ENTPD6: variants seen among roughly 807,000 people sequenced by gnomAD.
ENTPD6 encodes the protein ectonucleoside triphosphate diphosphohydrolase 6, also known as CD39 antigen-like 2.
A neutral mutation model predicts 61.5 loss-of-function variants in ENTPD6; 46 were observed. The observed-to-expected ratio is 0.75, with a 90% confidence interval of 0.59 to 0.96. The LOEUF (loss-of-function observed/expected upper bound fraction) is 0.96. Ranked by LOEUF, ENTPD6 falls within the 40% of genes least tolerant of loss-of-function variation. The pLI, the probability that ENTPD6 is intolerant of heterozygous loss-of-function variation, is 0.00. For synonymous variants in ENTPD6, 252 were observed against 255.5 expected, an observed-to-expected ratio of 0.99 and a Z score of 0.13; for missense variants, 612 against 629.0, an observed-to-expected ratio of 0.97 and a Z score of 0.29.
In ENTPD6 at chr20:25,215,722, A is replaced by T; in HGVS notation, c.709+11A>T. On this transcript the variant is annotated intron_variant, in intron 7 of 14. Transcript: ENST00000376652. ...TCAACTTCCTGACAGGTGTGTGCAC[A>T]CTGCATCACAGAGGCTAGCCGATCA... 6.2e-7 allele frequency: 1 copy of T among 1,614,118 alleles called. No individual in the cohort carries two copies. Among genetic ancestry groups the T allele is most frequent in the Middle Eastern group, 1.6e-4 (1 of 6,062 alleles).
intron 1 of ENTPD6, among the ~76,000 whole-genome samples, chr20:25,199,931 A>G (rs1457438910): frequency 6.6e-6 from 1 of 152,236 alleles, no homozygotes; most frequent in African/African-American, 2.4e-5. Flanking sequence ...GTTGTGAATA[A>G]TGCTTCAGTG....
At chr20:25,197,342 GGTGGCCT>G in intron 1 of ENTPD6, 8 of 744,982 alleles carry the variant, frequency 1.1e-5, no homozygotes, top group Non-Finnish European at 1.3e-5. Flanking sequence ...CCTGCTGGAG[GGTGGCCT>G]CAGCAGGAGC....
intron 1 of ENTPD6, 100 bp downstream of exon 1, chr20:25,195,967 G>A (rs939239455): frequency 9.8e-7 from 1 of 1,019,514 alleles, no homozygotes; most frequent in East Asian, 3.3e-5. Flanking sequence ...GGACGGCCTC[G>A]GGGTCACTCG....
chr20:25,208,763 T>G (rs1475766237), intron 3 of ENTPD6, among the ~76,000 whole-genome samples: 1 of 152,212 alleles, frequency 6.6e-6, no homozygotes, highest in Non-Finnish European at 1.5e-5. Flanking sequence ...CATTTCAGAA[T>G]CAAGGAAATG....
At chr20:25,208,327 T>C (rs964536102) in intron 3 of ENTPD6, among the ~76,000 whole-genome samples, 2 of 152,218 alleles carry the variant, frequency 1.3e-5, no homozygotes, top group African/African-American at 4.8e-5. Flanking sequence ...AAGCCTGTAA[T>C]CCCAGCTATG....
intron 1 of ENTPD6, among the ~76,000 whole-genome samples, chr20:25,198,077 T>C (rs2090660885): frequency 6.6e-6 from 1 of 152,140 alleles, no homozygotes; most frequent in African/African-American, 2.4e-5. Flanking sequence ...TTTTTTTAAA[T>C]GGGTAGACAG....
intron 1 of ENTPD6, among the ~76,000 whole-genome samples, chr20:25,198,304 C>T (rs4637196): frequency 2.0e-5 from 3 of 151,956 alleles, no homozygotes; most frequent in Admixed American, 1.3e-4. Context: ...GGTGAAATAC[C>T]GTCTGTACTA....
At chr20:25,223,373 G>C (rs2092700959) in intron 12 of ENTPD6, among the ~76,000 whole-genome samples, 1 of 152,144 alleles carries the variant, frequency 6.6e-6, no homozygotes, top group African/African-American at 2.4e-5. Context: ...GAGTCTCTCT[G>C]ACTCACCCTG....
rs77968469 is a variant in ENTPD6 at position 25,214,810 on chromosome 20, T to C, written c.598-57T>C. 3,200 of 1,086,428 alleles carry C rather than the reference T, an allele frequency of 2.9e-3. 54 individuals are homozygous for C. The African/African-American group carries it at 0.04, about 13-fold the overall frequency. 67.3% of individuals were successfully genotyped at this position (1,086,428 alleles called of 1,614,324 possible). A position where few individuals can be genotyped will look rare whatever the true frequency, so the allele number is the denominator to read the frequency against. ...TTGACTAGCTAGCTAGCTAAATAAA[T>C]AAATATATTCATTCATTCATTCTAA... On this transcript the variant is annotated intron_variant, in intron 5 of 14. Transcript: ENST00000376652.
chr20:25,224,707 T>C (rs1254595856), intron 13 of ENTPD6: 2 of 159,620 alleles, frequency 1.3e-5, no homozygotes, highest in Non-Finnish European at 2.7e-5. Flanking sequence ...CAAAAGTGGC[T>C]TTTTTAAAGC....
At chr20:25,196,374 C>T in intron 1 of ENTPD6, 1 of 291,294 alleles carries the variant, frequency 3.4e-6, no homozygotes, top group Non-Finnish European at 5.1e-6. Flanking sequence ...GACCTGTGAG[C>T]CGCGAATGCC....
At chr20:25,215,808 T>C (rs2092280826) in intron 7 of ENTPD6, 97 bp downstream of exon 7, 2 of 1,286,270 alleles carry the variant, frequency 1.6e-6, no homozygotes, top group African/African-American at 2.9e-5. Context: ...TTCTGCTCTT[T>C]AAGATAACCC....
rs771257477 is a variant in ENTPD6 at position 25,213,323 on chromosome 20, T to C, written c.514T>C (p.Trp172Arg). The change falls in exon 5 of 15, where the codon TGG (tryptophan) becomes CGG (arginine). Residue 172 changes from tryptophan to arginine, a missense_variant. Trp to Arg is a moderately radical substitution (Grantham distance 101). Coordinates refer to ENST00000376652, the MANE Select transcript of ENTPD6 (RefSeq NM_001247.5). ...VAKQDIPFDF[W>R]KATPLVLKAT... ...TAAACAGGACATTCCGTTCGACTTC[T>C]GGAAGGCCACCCCTCTGGTCCTCAA... 2 of 1,614,244 alleles carry C rather than the reference T, an allele frequency of 1.2e-6. No homozygotes were observed. Among genetic ancestry groups the C allele is most frequent in the South Asian group, 2.2e-5 (2 of 91,088 alleles).
intron 4 of ENTPD6, among the ~76,000 whole-genome samples, 191 bp downstream of exon 4, chr20:25,210,116 C>A (rs2091856407): frequency 1.3e-5 from 2 of 152,200 alleles, no homozygotes; most frequent in African/African-American, 4.8e-5. Context: ...AGAACGCGCC[C>A]CCACCCGGCC....
Position 25,218,572 on chromosome 20 carries a change from T to G in ENTPD6, c.901T>G (p.Ser301Ala). ...CAGCTACCTCGGGCTCGGGCTGATG[T>G]CGGCACGCCTGGCGATCCTGGGCGG... is the stretch of plus-strand genomic sequence containing the variant. ...SYSYLGLGLM[S>A]ARLAILGGVE... The change falls in exon 10 of 15, where the codon TCG (serine) becomes GCG (alanine). Residue 301 changes from serine to alanine, a missense_variant. Physicochemically the swap from Ser to Ala is moderately conservative, Grantham distance 99 (BLOSUM62 1). Transcript: ENST00000376652. 1 of 1,608,172 alleles carries G rather than the reference T, an allele frequency of 6.2e-7. No homozygotes were observed. Among genetic ancestry groups the G allele is most frequent in the Non-Finnish European group, 8.5e-7 (1 of 1,178,914 alleles).
intron 1 of ENTPD6, among the ~76,000 whole-genome samples, chr20:25,204,510 C>A (rs982362458): frequency 2.0e-5 from 3 of 152,204 alleles, no homozygotes. Context: ...CAAAGTCTCC[C>A]CCAGTCCCTC....
intron 3 of ENTPD6, 32 bp from the exon 4 acceptor site, chr20:25,209,817 G>A (rs1268527546): frequency 6.3e-7 from 1 of 1,576,952 alleles, no homozygotes; most frequent in Non-Finnish European, 8.7e-7. Context: ...TGTATTCATA[G>A]TTGTACCCTT....
chr20:25,216,890 C>T (rs2092349044), intron 8 of ENTPD6, among the ~76,000 whole-genome samples, 154 bp downstream of exon 8: 1 of 152,210 alleles, frequency 6.6e-6, no homozygotes, highest in South Asian at 2.1e-4. Context: ...CTTCTGAGAG[C>T]TGGACTCACT....
At chr20:25,197,749 T>C (rs1304488169) in intron 1 of ENTPD6, among the ~76,000 whole-genome samples, 1 of 152,246 alleles carries the variant, frequency 6.6e-6, no homozygotes, top group Non-Finnish European at 1.5e-5. Flanking sequence ...TGTTCCTGGT[T>C]CTGTGCTCTC....
Sources: gnomAD v4.1 joint callset for allele counts (sites outside exome capture counted in the v4.1 genomes callset) on GRCh38, gnomAD v4.1.1 for gene constraint, MANE v1.5 for transcripts, NCBI Gene and HGNC (gene_info 2026-07-23, HGNC 2026-07-21) for gene names.